The following MAST4 variants were observed in gnomAD, a reference collection of about 807,000 sequenced individuals.
The protein encoded by MAST4 is microtubule-associated serine/threonine-protein kinase 4.
A neutral mutation model predicts 162.7 loss-of-function variants in MAST4; 89 were observed. The ratio of observed to expected loss-of-function variants is 0.55; its 90% CI spans 0.46 to 0.65. MAST4 has a LOEUF of 0.65. Ranked by LOEUF, MAST4 falls within the 30% of genes least tolerant of loss-of-function variation. The pLI is 0.00. For synonymous variants in MAST4, 1,479 were observed against 1,361.1 expected (o/e 1.09, Z -1.91); for missense variants, 3,153 against 3,374.0 (o/e 0.93, Z 1.62).
At chr5:66,900,083 T>C in intron 4 of MAST4, 101 bp downstream of exon 4, 1 of 801,080 alleles carries the variant, frequency 1.2e-6, no homozygotes, top group Non-Finnish European at 1.8e-6. Context: ...AAATGAATGA[T>C]AATCAACTGA....
At chr5:66,845,126 T>TATATATATATATACACACAC (rs1358855625) in intron 3 of MAST4, among the ~76,000 whole-genome samples, 4 of 67,178 alleles carry the variant, frequency 6.0e-5, no homozygotes, top group South Asian at 1.3e-3. Flanking sequence ...TATATATATA[T>TATATATATATATACACACAC]ACACACACAC....
In MAST4 at chr5:67,135,878, C is replaced by T. The variant is rs76261961; in HGVS notation, c.2393-685C>T. On this transcript the variant is annotated intron_variant, in intron 18 of 28. Transcript: ENST00000403625. Reference sequence around the variant, plus strand: ...ATAACTCATGTTTTTATTGCATTTCCGTACACACAAGCACGCACACCTATC... The same window carrying T: ...ATAACTCATGTTTTTATTGCATTTCTGTACACACAAGCACGCACACCTATC... Among the ~76,000 whole-genome samples, 471 of 152,298 alleles carry T rather than the reference C, an allele frequency of 3.1e-3. 4 individuals are homozygous for T. The highest frequency in any genetic ancestry group is 0.011 in the African/African-American group (450 of 41,578).
intron 4 of MAST4, among the ~76,000 whole-genome samples, chr5:67,033,676 C>T (rs1159426124): frequency 6.6e-6 from 1 of 152,102 alleles, no homozygotes; most frequent in African/African-American, 2.4e-5. Context: ...AGCTGATTAA[C>T]TTTGACTCTC....
rs770376118 is a variant in MAST4 at position 67,165,474 on chromosome 5, A to C, written c.6295A>C (p.Ser2099Arg). The part of the protein sequence containing the change: ...RRSLQPPGIE[S>R]EKSEKLSSFP... ...GTCTCTGCAGCCACCTGGAATTGAG[A>C]GTGAGAAGAGTGAAAAGCTCTCCAG... is the stretch of plus-strand genomic sequence containing the variant. Residue 2099 changes from serine to arginine, a missense_variant, in exon 29 of 29, where the codon AGT becomes CGT. Around this residue, in one of 7 missense-constraint regions of MAST4, gnomAD observed 1,644 missense variants for 1,495.0 expected, o/e 1.10. Transcript: ENST00000403625. 6 of 1,613,934 alleles carry C rather than the reference A, an allele frequency of 3.7e-6. No individual in the cohort carries two copies. The highest frequency in any genetic ancestry group is 5.1e-6 in the Non-Finnish European group (6 of 1,179,902).
chr5:66,927,745 G>A (rs1295557705), intron 4 of MAST4, among the ~76,000 whole-genome samples: 1 of 152,148 alleles, frequency 6.6e-6, no homozygotes, highest in African/African-American at 2.4e-5. Context: ...CAGTTTCCTA[G>A]GGTTGCCATG....
At chr5:66,626,959 A>T (rs4532319) in intron 1 of MAST4, among the ~76,000 whole-genome samples, 1 of 152,004 alleles carries the variant, frequency 6.6e-6, no homozygotes, top group African/African-American at 2.4e-5. Flanking sequence ...ACAGGTCAGG[A>T]AGATACGAAG....
intron 1 of MAST4, among the ~76,000 whole-genome samples, chr5:66,707,832 G>A (rs1030337055): frequency 2.0e-5 from 3 of 152,108 alleles, no homozygotes; most frequent in Non-Finnish European, 4.4e-5. Context: ...GCAGGGGTGT[G>A]TGCTGTGGTA....
intron 2 of MAST4, among the ~76,000 whole-genome samples, chr5:66,781,661 A>G (rs1024154552): frequency 1.3e-5 from 2 of 152,166 alleles, no homozygotes; most frequent in Admixed American, 1.3e-4. Flanking sequence ...GTTCTCCTCT[A>G]TGACTGAGAA....
At chr5:66,774,846 AT>A (rs372850275) in intron 2 of MAST4, among the ~76,000 whole-genome samples, 194 of 152,298 alleles carry the variant, frequency 1.3e-3, no homozygotes, top group African/African-American at 4.5e-3. Context: ...CTGTATTTTT[AT>A]TTGCTAAATC....
chr5:67,049,000 T>TATAC lies in MAST4; in HGVS notation c.675-5403_675-5402insTACA, dbSNP rs570952925. ...ATATATATATATGTATATATATATA[T>TATAC]ACACACACATATATATATATACGTA... is the stretch of plus-strand genomic sequence containing the variant. On this transcript the variant is annotated intron_variant, in intron 4 of 28. Coordinates refer to ENST00000403625, the MANE Select transcript of MAST4 (RefSeq NM_001164664.2). Among the ~76,000 whole-genome samples the TATAC allele has an allele frequency of 1.9e-3, 237 of 124,680 alleles. 5 individuals are homozygous for TATAC. The highest frequency in any genetic ancestry group is 6.5e-3 in the African/African-American group (204 of 31,546). The allele number at this position is 124,680 out of a possible 152,430, so 81.8% of individuals were successfully genotyped here.
intron 14 of MAST4, among the ~76,000 whole-genome samples, chr5:67,122,201 A>G (rs1767675016): frequency 6.6e-6 from 1 of 152,354 alleles, no homozygotes; most frequent in Admixed American, 6.5e-5. Context: ...CTATTTGTAT[A>G]TAAAGAGCAA....
chr5:66,998,756 G>A (rs1750947743), intron 4 of MAST4, among the ~76,000 whole-genome samples: 1 of 152,052 alleles, frequency 6.6e-6, no homozygotes, highest in African/African-American at 2.4e-5. Flanking sequence ...AAAGATGAGG[G>A]GATAAAGCCC....
At chr5:67,131,783 T>C (rs1386271931) in intron 15 of MAST4, 30 bp from the exon 16 acceptor site, 1 of 1,608,864 alleles carries the variant, frequency 6.2e-7, no homozygotes, top group Non-Finnish European at 8.5e-7. Flanking sequence ...CTTCATCCTA[T>C]AGCTACTAAC....
At chr5:66,911,071 T>C (rs1218124264) in intron 4 of MAST4, among the ~76,000 whole-genome samples, 2 of 152,162 alleles carry the variant, frequency 1.3e-5, no homozygotes, top group Non-Finnish European at 2.9e-5. Flanking sequence ...TAAGTTGTTT[T>C]ATGATGTCAC....
chr5:66,861,911 T>C (rs1760146795), intron 3 of MAST4, among the ~76,000 whole-genome samples: 1 of 152,182 alleles, frequency 6.6e-6, no homozygotes, highest in Non-Finnish European at 1.5e-5. Flanking sequence ...TAATGATGAT[T>C]GGTGTGTATG....
chr5:66,661,980 G>A (rs772034973), intron 1 of MAST4, among the ~76,000 whole-genome samples: 2 of 151,990 alleles, frequency 1.3e-5, no homozygotes, highest in Non-Finnish European at 2.9e-5. Context: ...TCAGAAGAGA[G>A]TCATGCATTA....
chr5:66,829,953 C>T (rs1757491635), intron 3 of MAST4, among the ~76,000 whole-genome samples: 1 of 152,170 alleles, frequency 6.6e-6, no homozygotes, highest in South Asian at 2.1e-4. Flanking sequence ...AGTAAACAGA[C>T]TACCTCCTTA....
At chr5:66,760,409 C>T (rs555004585) in intron 2 of MAST4, among the ~76,000 whole-genome samples, 8 of 152,020 alleles carry the variant, frequency 5.3e-5, no homozygotes, top group Non-Finnish European at 8.8e-5. Context: ...CCACCGCACC[C>T]GGCCAATATC....
In MAST4 at chr5:67,165,377, T is replaced by A. The variant is rs1424316883; in HGVS notation, c.6198T>A (p.Ile2066=). The stretch of plus-strand genomic sequence containing the variant: ...ACTCCTCTCTGCACTCAGCTGGAAT[T>A]CCCTGTGAGAAGGAGCTGGGCAAGG... ...RDNSSLHSAG[I]PCEKELGKVR... is the part of the protein sequence containing the mutation. The change falls in exon 29 of 29, where the codon ATT becomes ATA. Residue 2066 remains isoleucine (I), a synonymous_variant. Transcript: ENST00000403625. 1 of 1,613,560 alleles carries A rather than the reference T, an allele frequency of 6.2e-7. No homozygotes were observed. The highest frequency in any genetic ancestry group is 8.5e-7 in the Non-Finnish European group (1 of 1,179,828).
Sources: allele counts gnomAD v4.1 joint callset (sites outside exome capture counted in the v4.1 genomes callset), GRCh38; gene constraint gnomAD v4.1.1; regional missense constraint gnomAD v4.1.1; transcripts MANE v1.5; gene names NCBI Gene and HGNC (gene_info 2026-07-23, HGNC 2026-07-21).